The following USP20 variants were observed in gnomAD, a reference collection of about 807,000 sequenced individuals.
USP20 encodes the protein ubiquitin carboxyl-terminal hydrolase 20.
In USP20, 80 loss-of-function variants were observed where a neutral mutation model predicts 124.2. The ratio of observed to expected loss-of-function variants is 0.64; its 90% confidence interval spans 0.54 to 0.78. USP20 has a LOEUF of 0.78. USP20 is among the 30% of genes least tolerant of loss of function. The pLI is 0.00. For missense variants in USP20, 1,043 were observed against 1,244.4 expected (o/e 0.84, Z 2.44); for synonymous variants, 481 against 512.3 (o/e 0.94, Z 0.83).
At chr9:129,870,096 T>C in intron 14 of USP20, 2 of 577,248 alleles carry the variant, frequency 3.5e-6, no homozygotes, top group East Asian at 2.9e-5. Flanking sequence ...ACATGGCAGG[T>C]TGAAGGGAGG....
chr9:129,846,329 C>T (rs1294956751), intron 1 of USP20, among the ~76,000 whole-genome samples: 1 of 130,246 alleles, frequency 7.7e-6, no homozygotes, highest in African/African-American at 2.9e-5. Flanking sequence ...CATCATAGCT[C>T]ACTGCAGCCT....
intron 21 of USP20, 55 bp downstream of exon 21, chr9:129,875,696 G>C: frequency 6.4e-7 from 1 of 1,559,876 alleles, no homozygotes; most frequent in Non-Finnish European, 8.8e-7. Flanking sequence ...CAGCTGGGCA[G>C]GAAAAGAGGG....
chr9:129,878,505 A>G (rs1267579498), intron 23 of USP20, 65 bp downstream of exon 23: 4 of 1,423,002 alleles, frequency 2.8e-6, no homozygotes, highest in Non-Finnish European at 3.8e-6. Context: ...GGATGCTGGC[A>G]GGGGAGGGCT....
chr9:129,873,045 C>T (rs1463245398), intron 15 of USP20, among the ~76,000 whole-genome samples: 2 of 150,496 alleles, frequency 1.3e-5, no homozygotes, highest in Non-Finnish European at 3.0e-5. Context: ...CCCTCCAGTA[C>T]CTCTCAGGTT....
intron 1 of USP20, among the ~76,000 whole-genome samples, chr9:129,841,810 G>A (rs1161556940): frequency 6.6e-6 from 1 of 152,104 alleles, no homozygotes; most frequent in African/African-American, 2.4e-5. Context: ...CTCAGGAAGC[G>A]CACCAAGAAT....
chr9:129,864,469 CAAAA>C (rs575582320), intron 9 of USP20, among the ~76,000 whole-genome samples: 21 of 116,800 alleles, frequency 1.8e-4, no homozygotes, highest in African/African-American at 7.1e-4. Flanking sequence ...GACCCTGTCT[CAAAA>C]AAAAAAAAAA....
intron 11 of USP20, among the ~76,000 whole-genome samples, 159 bp from the exon 12 acceptor site, chr9:129,868,703 C>G (rs2033955255): frequency 6.6e-6 from 1 of 152,184 alleles, no homozygotes; most frequent in Non-Finnish European, 1.5e-5. Context: ...CAGGTCTGCT[C>G]CGGCCTGTGT....
Position 129,867,991 on chromosome 9 carries a change from G to A in USP20, c.691-14G>A, listed in dbSNP as rs929570822. ...CCTCCAGGGGAGCCCTGTTGATGCA[G>A]CCCCTGGTTCTAGGACACCCAAGAG... On this transcript the variant is annotated splice_polypyrimidine_tract_variant and intron_variant, in intron 10 of 25. Coordinates refer to ENST00000372429, the MANE Select transcript of USP20 (RefSeq NM_001110303.4). The A allele has an allele frequency of 3.1e-6, 5 of 1,604,698 alleles. No individual in the cohort carries two copies. In the Admixed American group the frequency reaches 6.7e-5, roughly 22 times the overall value.
At chr9:129,843,051 A>C (rs2032321784) in intron 1 of USP20, among the ~76,000 whole-genome samples, 1 of 152,036 alleles carries the variant, frequency 6.6e-6, no homozygotes, top group Non-Finnish European at 1.5e-5. Flanking sequence ...AAATGTATAT[A>C]CTGTTTCTAA....
chr9:129,862,533 A>G (rs377568040), intron 8 of USP20, among the ~76,000 whole-genome samples: 3 of 139,896 alleles, frequency 2.1e-5, no homozygotes, highest in Non-Finnish European at 3.1e-5. Flanking sequence ...AGCCTGGGTG[A>G]CAGAGCGAGA....
chr9:129,852,365 A>G (rs1206310004), intron 2 of USP20, among the ~76,000 whole-genome samples, 175 bp from the exon 3 acceptor site: 1 of 152,176 alleles, frequency 6.6e-6, no homozygotes, highest in Non-Finnish European at 1.5e-5. Flanking sequence ...GGCAACTGTT[A>G]TCTTCTTAGA....
In USP20 at chr9:129,876,226, C is replaced by A; in HGVS notation, c.2397C>A (p.Asp799Glu). ...ALAKRRRIEI[D>E]TFIKLNKAFQ... Reference sequence around the variant, plus strand: ...CCAAGCGCAGGAGGATCGAGATCGACACCTTCATCAAGGTGCGTGCGGCGA... The same window carrying A: ...CCAAGCGCAGGAGGATCGAGATCGAAACCTTCATCAAGGTGCGTGCGGCGA... Residue 799 changes from aspartate (D) to glutamate (E), a missense_variant, in exon 22 of 26, where the codon GAC (aspartate) becomes GAA (glutamate). Transcript: ENST00000372429. 1 of 1,612,338 alleles carries A rather than the reference C, an allele frequency of 6.2e-7. No homozygotes were observed.
chr9:129,870,731 G>T (rs1020892416), intron 15 of USP20, among the ~76,000 whole-genome samples, 184 bp downstream of exon 15: 1 of 152,232 alleles, frequency 6.6e-6, no homozygotes, highest in Non-Finnish European at 1.5e-5. Flanking sequence ...CCAGGGCCAT[G>T]TGCTATCCCA....
Position 129,838,231 on chromosome 9 carries a change from G to C in USP20, c.-129+2732G>C, listed in dbSNP as rs1027458854. ...TAATTTATGTATTTTTAGTAGAGACGGGGTTTCACCATGTTGGCCAGGCTG... is the reference window on the plus strand; with the variant it reads ...TAATTTATGTATTTTTAGTAGAGACCGGGTTTCACCATGTTGGCCAGGCTG... On this transcript the variant is annotated intron_variant, in intron 1 of 25. Coordinates refer to ENST00000372429, the MANE Select transcript of USP20 (RefSeq NM_001110303.4). Among the ~76,000 whole-genome samples, 4 of 152,030 alleles carry C rather than the reference G, an allele frequency of 2.6e-5. 1 individual carries two copies. Among genetic ancestry groups the C allele is most frequent in the African/African-American group, 9.6e-5 (4 of 41,462 alleles).
At chr9:129,840,367 T>C (rs1384131525) in intron 1 of USP20, among the ~76,000 whole-genome samples, 1 of 152,148 alleles carries the variant, frequency 6.6e-6, no homozygotes, top group Non-Finnish European at 1.5e-5. Flanking sequence ...GCCCTTGCCC[T>C]AGAGAGTGGG....
At chr9:129,877,839 C>T (rs1477316144) in intron 22 of USP20, among the ~76,000 whole-genome samples, 1 of 152,042 alleles carries the variant, frequency 6.6e-6, no homozygotes, top group Non-Finnish European at 1.5e-5. Context: ...TTTGAGAGGT[C>T]GAGGTGGGCG....
intron 10 of USP20, among the ~76,000 whole-genome samples, chr9:129,867,664 C>G (rs1483628349): frequency 6.6e-6 from 1 of 152,152 alleles, no homozygotes; most frequent in African/African-American, 2.4e-5. Flanking sequence ...TGTGGTACTG[C>G]CTCTCTGTCC....
At position 129,869,721 on chromosome 9, in the gene USP20, G is replaced by A. The variant is rs375722680; in HGVS notation, c.1442G>A (p.Gly481Glu). ...CAGGACTTATCACTGCCCATTCCTG[G>A]AAAGGAGGACCTGGCCAAGCTCCAT... ...TFQDLSLPIP[G>E]KEDLAKLHSA... is the part of the protein sequence containing the mutation. Residue 481 changes from glycine to glutamate, a missense_variant, in exon 14 of 26, where the codon GGA becomes GAA. Physicochemically the swap from Gly to Glu is moderately conservative, Grantham distance 98. Transcript: ENST00000372429. 5 of 1,613,994 alleles carry A rather than the reference G, an allele frequency of 3.1e-6. No homozygotes were observed. The highest frequency in any genetic ancestry group is 4.2e-6 in the Non-Finnish European group (5 of 1,180,038).
chr9:129,839,816 C>G lies in USP20; in HGVS notation c.-129+4317C>G, dbSNP rs1400660827. Among the ~76,000 whole-genome samples, 1 of 152,122 alleles carries G rather than the reference C, an allele frequency of 6.6e-6. No homozygotes were observed. The highest frequency in any genetic ancestry group is 2.4e-5 in the African/African-American group (1 of 41,396). ...TAACAGGCACCAGAGGCAGCCAGGT[C>G]CAGATGTGCTGCCTACCTAGGACCA... On this transcript the variant is annotated intron_variant, in intron 1 of 25. Transcript: ENST00000372429. The surrounding 1 kb of genome is among the most constrained non-coding windows in gnomAD (Gnocchi z 4.5).
Sources: allele counts gnomAD v4.1 joint callset (sites outside exome capture counted in the v4.1 genomes callset), GRCh38; gene constraint gnomAD v4.1.1; non-coding constraint Gnocchi (gnomAD v3.1); transcripts MANE v1.5; gene names NCBI Gene and HGNC (gene_info 2026-07-23, HGNC 2026-07-21).